Variants in DHRS7 observed in about 807,000 individuals in gnomAD.
The protein encoded by DHRS7 is dehydrogenase/reductase 7.
In DHRS7, 34 loss-of-function variants were observed where a neutral mutation model predicts 38.9. The ratio of observed to expected loss-of-function variants is 0.87; its 90% CI spans 0.66 to 1.16. The LOEUF (loss-of-function observed/expected upper bound fraction) is 1.16, where lower values mean the gene tolerates loss of function less well. Among genes scored for constraint, DHRS7 ranks in the 50% most tolerant of loss-of-function variants. The pLI is 0.00. For synonymous variants in DHRS7, 158 were observed against 153.1 expected (o/e 1.03, Z -0.24); for missense variants, 421 against 407.0 (o/e 1.03, Z -0.30).
intron 1 of DHRS7, among the ~76,000 whole-genome samples, chr14:60,159,596 C>T (rs1332595547): frequency 6.6e-6 from 1 of 152,114 alleles, no homozygotes; most frequent in Non-Finnish European, 1.5e-5. Context: ...ATCAAATTTG[C>T]TCTGATTTGT....
intron 1 of DHRS7, among the ~76,000 whole-genome samples, chr14:60,164,182 T>C (rs1489935298): frequency 1.4e-5 from 2 of 147,584 alleles, no homozygotes; most frequent in Non-Finnish European, 3.0e-5. Context: ...TACCAGATTT[T>C]TTTTTTTTTT....
upstream of DHRS7, among the ~76,000 whole-genome samples, chr14:60,165,859 C>A (rs1896860770): frequency 6.6e-6 from 1 of 152,192 alleles, no homozygotes; most frequent in Non-Finnish European, 1.5e-5. This position sits in a 1 kb window ranked among gnomAD's most constrained non-coding sequence, Gnocchi z 4.6. Flanking sequence ...CAAGACCCCA[C>A]AAGCCAAGGC....
At position 60,162,512 on chromosome 14, in the gene DHRS7, G is replaced by A. The variant is rs966268033; in HGVS notation, c.133+2665C>T. Among the ~76,000 whole-genome samples the A allele has an allele frequency of 5.3e-5, 8 of 152,206 alleles. No individual in the cohort carries two copies. The highest frequency in any genetic ancestry group is 1.0e-4 in the Non-Finnish European group (7 of 68,036). Reference sequence around the variant, plus strand: ...CTAGGTAGCTAGGGCACAAGGGTCAGAGAAAGCTCTTTACTTTTTACTATA... The same window carrying A: ...CTAGGTAGCTAGGGCACAAGGGTCAAAGAAAGCTCTTTACTTTTTACTATA... On this transcript the variant is annotated intron_variant, in intron 1 of 6. Transcript: ENST00000557185. This position sits in a 1 kb window ranked among gnomAD's most constrained non-coding sequence, Gnocchi z 4.5.
At chr14:60,156,226 A>AAAG (rs1555333169) in intron 1 of DHRS7, 74 bp from the exon 2 acceptor site, 175 of 1,314,442 alleles carry the variant, frequency 1.3e-4, no homozygotes, top group African/African-American at 5.2e-4. Context: ...TTAGAAAAAA[A>AAAG]AAAGAAAGCC....
rs1021675462 is a variant in DHRS7, at chr14:60,155,813, G to T, written c.286+187C>A. On this transcript the variant is annotated intron_variant, in intron 2 of 6. Coordinates refer to ENST00000557185, the MANE Select transcript of DHRS7 (RefSeq NM_016029.4). ...AGTCAGTGCAAAAAAAGCATAGAAA[G>T]GTGGCAGAAAAGAAGAAAAAGGCGA... is the stretch of plus-strand genomic sequence containing the variant. 6 of 437,188 alleles carry T rather than the reference G, an allele frequency of 1.4e-5. No individual in the cohort carries two copies. The Admixed American group carries it at 2.7e-4, about 20-fold the overall frequency. 27.1% of individuals were successfully genotyped at this position (437,188 alleles called of 1,614,324 possible).
intron 1 of DHRS7, among the ~76,000 whole-genome samples, chr14:60,157,919 A>C (rs1896689594): frequency 6.6e-6 from 1 of 152,050 alleles, no homozygotes; most frequent in Non-Finnish European, 1.5e-5. Context: ...CTTGTCCTTA[A>C]GAAAAAGGTT....
intron 1 of DHRS7, among the ~76,000 whole-genome samples, chr14:60,156,675 G>A (rs1490190800): frequency 6.6e-6 from 1 of 152,138 alleles, no homozygotes; most frequent in Non-Finnish European, 1.5e-5. Context: ...CTGTGCTGTT[G>A]ATGGAAACAT....
intron 2 of DHRS7, among the ~76,000 whole-genome samples, chr14:60,155,072 A>G (rs2140600944): frequency 6.6e-6 from 1 of 152,338 alleles, no homozygotes; most frequent in Non-Finnish European, 1.5e-5. Context: ...GGTCTGTTGG[A>G]AAATTCAAAA....
In DHRS7 at chr14:60,151,536, CAAAA is replaced by C. The variant is rs374087187; in HGVS notation, c.634-1353_634-1350del. On this transcript the variant is annotated intron_variant, in intron 4 of 6. Coordinates refer to ENST00000557185, the MANE Select transcript of DHRS7 (RefSeq NM_016029.4). ...ACAGTGCCAGACTCAGAGATGAACCCAAAAAAAAAAAAAAAGCTTGCTAATTGAA... is the reference window on the plus strand; with the variant it reads ...ACAGTGCCAGACTCAGAGATGAACCCAAAAAAAAAAAGCTTGCTAATTGAA... 7.2e-4 allele frequency among the ~76,000 whole-genome samples: 80 copies of C among 111,406 alleles called. 1 individual carries two copies. The South Asian group carries it at 0.011, about 16-fold the overall frequency. The allele number at this position is 111,406 out of a possible 152,430, so 73.1% of individuals were successfully genotyped here. A position where few individuals can be genotyped will look rare whatever the true frequency, so the allele number is the denominator to read the frequency against.
Position 60,153,045 on chromosome 14 carries a change from T to G in DHRS7, c.527A>C (p.His176Pro). 6.2e-7 allele frequency: 1 copy of G among 1,614,178 alleles called. No individual in the cohort carries two copies. The highest frequency in any genetic ancestry group is 8.5e-7 in the Non-Finnish European group (1 of 1,180,028). ...TVSLTKCVLP[H>P]MIERKQGKIV... is the part of the protein sequence containing the mutation. ...CTTTCCTTGCTTCCTCTCGATCATG[T>G]GAGGCAGAACACATTTTGTCAAGGA... is the stretch of plus-strand genomic sequence containing the variant. The change falls in exon 4 of 7, where the codon CAC (histidine) becomes CCC (proline). Residue 176 changes from histidine (H) to proline (P), a missense_variant. By Grantham distance (77) the His-to-Pro change is moderately conservative. Coordinates refer to ENST00000557185, the MANE Select transcript of DHRS7 (RefSeq NM_016029.4). The surrounding 1 kb of genome is among the most constrained non-coding windows in gnomAD (Gnocchi z 4.4).
intron 4 of DHRS7, among the ~76,000 whole-genome samples, chr14:60,151,589 C>A (rs182206275): frequency 2.0e-5 from 3 of 151,740 alleles, no homozygotes; most frequent in Non-Finnish European, 4.4e-5. Context: ...TAACTTTAAC[C>A]TTCTGCCTCT....
At position 60,152,976 on chromosome 14, in the gene DHRS7, A is replaced by T; in HGVS notation, c.596T>A (p.Leu199His). ...NSILGIISVP[L>H]SIGYCASKHA... ...CTTGCTAGCACAGTATCCAATGGAA[A>T]GAGGTACAGATATGATACCCAGGAT... is the stretch of plus-strand genomic sequence containing the variant. The change falls in exon 4 of 7, where the codon CTT becomes CAT. Residue 199 changes from leucine (L) to histidine (H), a missense_variant. Leu to His is a moderately conservative substitution (Grantham distance 99). Transcript: ENST00000557185. 1 of 1,614,208 alleles carries T rather than the reference A, an allele frequency of 6.2e-7. No individual in the cohort carries two copies. The highest frequency in any genetic ancestry group is 8.5e-7 in the Non-Finnish European group (1 of 1,180,016).
chr14:60,168,973 T>C, upstream of DHRS7: 2 of 452,634 alleles, frequency 4.4e-6, no homozygotes, highest in South Asian at 7.2e-5. Flanking sequence ...AGATGATATG[T>C]TAACATACAT....
At chr14:60,158,226 C>CT (rs1187395035) in intron 1 of DHRS7, among the ~76,000 whole-genome samples, 1 of 110,850 alleles carries the variant, frequency 9.0e-6, no homozygotes. Context: ...GAGTGAGACT[C>CT]TGTCGGAAAA....
Position 60,165,217 on chromosome 14 carries a change from G to A in DHRS7, c.93C>T (p.Asp31=), listed in dbSNP as rs1315934897. The A allele has an allele frequency of 5.0e-6, 8 of 1,612,380 alleles. No individual in the cohort carries two copies. The highest frequency in any genetic ancestry group is 6.8e-6 in the Non-Finnish European group (8 of 1,179,776). Reference sequence around the variant, plus strand: ...GCCACTCGGCCCATAGTAGCGTCAGGTCGCCGTCAGCCCTCAGGAAGCGCA... The same window carrying A: ...GCCACTCGGCCCATAGTAGCGTCAGATCGCCGTCAGCCCTCAGGAAGCGCA... ...QLLRFLRADG[D]LTLLWAEWQG... The change falls in exon 1 of 7, where the codon GAC becomes GAT. Residue 31 remains aspartate (D), a synonymous_variant. Transcript: ENST00000557185. The surrounding 1 kb of genome is among the most constrained non-coding windows in gnomAD (Gnocchi z 4.6).
intron 2 of DHRS7, 55 bp from the exon 3 acceptor site, chr14:60,154,120 T>G: frequency 2.1e-6 from 3 of 1,405,428 alleles, no homozygotes; most frequent in Non-Finnish European, 2.0e-6. Context: ...GTCAAGCTCC[T>G]TGCTACTCCC....
chr14:60,155,993 C>A lies in DHRS7; in HGVS notation c.286+7G>T. On this transcript the variant is annotated splice_region_variant and intron_variant, in intron 2 of 6. Coordinates refer to ENST00000557185, the MANE Select transcript of DHRS7 (RefSeq NM_016029.4). The stretch of plus-strand genomic sequence containing the variant: ...GGAAGCACCGCTGCTATTTCAGATC[C>A]GCTTACCTAGGCATCTTCTTTTCAC... 6.5e-7 allele frequency: 1 copy of A among 1,539,826 alleles called. No individual in the cohort carries two copies. The highest frequency in any genetic ancestry group is 8.7e-7 in the Non-Finnish European group (1 of 1,142,894).
chr14:60,169,132 C>CAAAAAAAAAAAAAAAAAAA (rs1566539341), upstream of DHRS7: 1 of 31,098 alleles, frequency 3.2e-5, no homozygotes, highest in African/African-American at 1.6e-4. Flanking sequence ...ACAAAAGAAA[C>CAAAAAAAAAAAAAAAAAAA]CAAAAAAAAA....
chr14:60,153,124 T>G lies in DHRS7; in HGVS notation c.448A>C (p.Thr150Pro). Residue 150 changes from threonine to proline, a missense_variant, in exon 4 of 7, where the codon ACC becomes CCC. Thr to Pro is a conservative substitution (Grantham distance 38). Transcript: ENST00000557185. The surrounding 1 kb of genome is among the most constrained non-coding windows in gnomAD (Gnocchi z 4.4). Reference sequence around the variant, plus strand: ...AGCTTTCTGTAGACATCCAAGCTGGTATCCATGCACAGAGAACGCTGGGAC... The same window carrying G: ...AGCTTTCTGTAGACATCCAAGCTGGGATCCATGCACAGAGAACGCTGGGAC... Reference protein sequence around the residue: ...GMSQRSLCMDTSLDVYRKLIE... With the variant: ...GMSQRSLCMDPSLDVYRKLIE... The G allele has an allele frequency of 6.2e-7, 1 of 1,614,174 alleles. No individual in the cohort carries two copies. Among genetic ancestry groups the G allele is most frequent in the African/African-American group, 1.3e-5 (1 of 75,040 alleles).
Sources: allele counts gnomAD v4.1 joint callset (sites outside exome capture counted in the v4.1 genomes callset), GRCh38; gene constraint gnomAD v4.1.1; non-coding constraint Gnocchi (gnomAD v3.1); transcripts MANE v1.5; gene names NCBI Gene and HGNC (gene_info 2026-07-23, HGNC 2026-07-21).